The following SORCS2 variants were observed in gnomAD, a reference collection of about 807,000 sequenced individuals.
SORCS2 encodes the protein VPS10 domain-containing receptor SorCS2.
A neutral mutation model predicts 141.6 loss-of-function variants in SORCS2; 100 were observed. The observed-to-expected ratio is 0.71, with a 90% confidence interval of 0.60 to 0.83. The LOEUF (loss-of-function observed/expected upper bound fraction) is 0.83. SORCS2 is among the 40% of genes least tolerant of loss of function. The probability of loss-of-function intolerance (pLI) is 0.00; values close to 1 mark genes in which losing one functional copy is unlikely to be tolerated. For synonymous variants in SORCS2, 789 were observed against 676.9 expected (o/e 1.17, Z -2.57); for missense variants, 1,646 against 1,560.2 (o/e 1.05, Z -0.93).
At chr4:7,598,681 A>G (rs1179730321) in intron 3 of SORCS2, among the ~76,000 whole-genome samples, 1 of 152,168 alleles carries the variant, frequency 6.6e-6, no homozygotes, top group Non-Finnish European at 1.5e-5. Flanking sequence ...CTTCTTGCCA[A>G]TCTTACCTAA....
intron 1 of SORCS2, among the ~76,000 whole-genome samples, chr4:7,390,870 C>T (rs1046328921): frequency 1.3e-5 from 2 of 152,188 alleles, no homozygotes; most frequent in African/African-American, 4.8e-5. Flanking sequence ...GTTCTAAAGG[C>T]ATCGATCGGC....
intron 2 of SORCS2, among the ~76,000 whole-genome samples, chr4:7,480,390 C>G (rs868213337): frequency 2.0e-5 from 3 of 152,222 alleles, no homozygotes; most frequent in Admixed American, 6.5e-5. Context: ...ACTCCTTCCC[C>G]TCTGGTACCC....
intron 1 of SORCS2, among the ~76,000 whole-genome samples, chr4:7,386,642 CAG>C (rs1283758643): frequency 3.3e-5 from 5 of 151,204 alleles, no homozygotes; most frequent in African/African-American, 7.4e-5. Flanking sequence ...CATGCACACA[CAG>C]ATACACAGAA....
chr4:7,305,361 GTTT>G (rs5855954), intron 1 of SORCS2, among the ~76,000 whole-genome samples: 2 of 137,758 alleles, frequency 1.5e-5, no homozygotes, highest in Non-Finnish European at 1.6e-5. Flanking sequence ...TTCTACTTTA[GTTT>G]TTTTTTTTTT....
intron 10 of SORCS2, among the ~76,000 whole-genome samples, chr4:7,687,425 A>C (rs886378): frequency 0.65 from 98,719 of 151,948 alleles, 32,505 homozygotes; most frequent in East Asian, 0.91. Flanking sequence ...CACTGTAAGA[A>C]ATCAGAAAAA....
intron 4 of SORCS2, among the ~76,000 whole-genome samples, chr4:7,649,108 G>A (rs1721268768): frequency 6.6e-6 from 1 of 152,204 alleles, no homozygotes; most frequent in African/African-American, 2.4e-5. Flanking sequence ...CAATAGCAGG[G>A]GCAGGGCCTC....
At chr4:7,594,289 T>G (rs1717116166) in intron 3 of SORCS2, among the ~76,000 whole-genome samples, 1 of 152,246 alleles carries the variant, frequency 6.6e-6, no homozygotes, top group Admixed American at 6.5e-5. Context: ...GCTTGTCACC[T>G]GCCACGGTGT....
rs529778432 is a variant in SORCS2 at position 7,343,782 on chromosome 4, C to G, written c.481-52506C>G. Among the ~76,000 whole-genome samples, 3 of 152,330 alleles carry G rather than the reference C, an allele frequency of 2.0e-5. No homozygotes were observed. In the South Asian group the frequency reaches 6.2e-4, roughly 32 times the overall value. ...TGGTACACGGCGTAGAATAAGTCCTCAAGATGGGGGCAGCTCTCCACACCC... is the reference window on the plus strand; with the variant it reads ...TGGTACACGGCGTAGAATAAGTCCTGAAGATGGGGGCAGCTCTCCACACCC... On this transcript the variant is annotated intron_variant, in intron 1 of 26. Transcript: ENST00000507866.
chr4:7,709,967 C>A (rs997296288), intron 14 of SORCS2, among the ~76,000 whole-genome samples: 3 of 152,174 alleles, frequency 2.0e-5, no homozygotes, highest in Non-Finnish European at 4.4e-5. Flanking sequence ...AATATCTAGA[C>A]CCCTTCGGCA....
At chr4:7,448,434 C>T (rs1193849925) in intron 2 of SORCS2, among the ~76,000 whole-genome samples, 1 of 150,406 alleles carries the variant, frequency 6.6e-6, no homozygotes, top group African/African-American at 2.5e-5. Flanking sequence ...CATTCCTTCT[C>T]TTCTCCCCTC....
chr4:7,264,467 C>T (rs1190099139), intron 1 of SORCS2, among the ~76,000 whole-genome samples: 4 of 152,196 alleles, frequency 2.6e-5, no homozygotes, highest in African/African-American at 7.2e-5. Flanking sequence ...AAGCTGCCAC[C>T]ACCACTGCCT....
intron 1 of SORCS2, among the ~76,000 whole-genome samples, chr4:7,387,406 C>G (rs981655725): frequency 1.6e-5 from 1 of 60,884 alleles, no homozygotes; most frequent in Non-Finnish European, 3.3e-5. Context: ...CACAGATACA[C>G]AGAAATACAC....
intron 1 of SORCS2, among the ~76,000 whole-genome samples, chr4:7,384,351 C>T (rs1047494218): frequency 7.2e-5 from 11 of 152,182 alleles, no homozygotes; most frequent in Admixed American, 2.0e-4. Flanking sequence ...CAGAGGAAGT[C>T]ATTTATTTTA....
intron 3 of SORCS2, among the ~76,000 whole-genome samples, chr4:7,538,568 G>A (rs954759416): frequency 1.4e-5 from 2 of 145,778 alleles, no homozygotes; most frequent in Non-Finnish European, 3.0e-5. Context: ...ATATATCAGT[G>A]TTGGCTTGAA....
intron 2 of SORCS2, among the ~76,000 whole-genome samples, chr4:7,406,056 C>T (rs1488172338): frequency 6.6e-6 from 1 of 151,976 alleles, no homozygotes; most frequent in Non-Finnish European, 1.5e-5. Flanking sequence ...TATTGATTTG[C>T]ATATGTTAAA....
chr4:7,511,439 G>GACACAC (rs138336126), intron 2 of SORCS2, among the ~76,000 whole-genome samples: 36,178 of 128,652 alleles, frequency 0.28, 6,167 homozygotes, highest in East Asian at 0.74. Context: ...GGGTTGGGGA[G>GACACAC]ACACACACAC....
chr4:7,581,663 G>C (rs918197439), intron 3 of SORCS2, among the ~76,000 whole-genome samples: 1 of 152,162 alleles, frequency 6.6e-6, no homozygotes, highest in East Asian at 1.9e-4. Flanking sequence ...CTTGGCTGCT[G>C]TGGGTGCTGT....
At chr4:7,447,457 GA>G (rs1181575721) in intron 2 of SORCS2, among the ~76,000 whole-genome samples, 2 of 152,224 alleles carry the variant, frequency 1.3e-5, no homozygotes, top group Non-Finnish European at 2.9e-5. Context: ...GAGGCTTAGG[GA>G]AGTTCAGAGC....
intron 2 of SORCS2, among the ~76,000 whole-genome samples, chr4:7,438,590 C>G (rs1200998227): frequency 6.6e-6 from 1 of 152,012 alleles, no homozygotes; most frequent in East Asian, 1.9e-4. Flanking sequence ...AATAAAAAAG[C>G]TTTATCTCCC....
Sources: gnomAD v4.1 joint callset for allele counts (sites outside exome capture counted in the v4.1 genomes callset) on GRCh38, gnomAD v4.1.1 for gene constraint, MANE v1.5 for transcripts, NCBI Gene and HGNC (gene_info 2026-07-23, HGNC 2026-07-21) for gene names.